The following ARL4A variants were observed in gnomAD, a reference collection of about 807,000 sequenced individuals.
The protein encoded by ARL4A is ARF like GTPase 4A, also known as ADP-ribosylation factor-like protein 4A.
In ARL4A, 5 loss-of-function variants were observed where a neutral mutation model predicts 13.9. The ratio of observed to expected loss-of-function variants is 0.36; its 90% confidence interval spans 0.19 to 0.75. The LOEUF (loss-of-function observed/expected upper bound fraction) is 0.75. ARL4A is among the 30% of genes least tolerant of loss of function. The pLI is 0.53. For missense variants in ARL4A, 147 were observed against 225.8 expected (o/e 0.65, Z 2.24); for synonymous variants, 77 against 84.4 (o/e 0.91, Z 0.48).
In ARL4A at chr7:12,688,107, C is replaced by A; in HGVS notation, c.-89-59C>A. On this transcript the variant is annotated intron_variant, in intron 1 of 1. Transcript: ENST00000651779. The surrounding 1 kb of genome is among the most constrained non-coding windows in gnomAD (Gnocchi z 5.2). The stretch of plus-strand genomic sequence containing the variant: ...TGTTGTTTATTTTAGCAAAGTAGAG[C>A]AAACCTGTTTTAATGTATTATTTCG... The A allele has an allele frequency of 8.1e-7, 1 of 1,238,832 alleles. No individual in the cohort carries two copies. Among genetic ancestry groups the A allele is most frequent in the Non-Finnish European group, 1.1e-6 (1 of 902,530 alleles). The allele number at this position is 1,238,832 out of a possible 1,614,324, so 76.7% of individuals were successfully genotyped here.
chr7:12,690,529 A>G lies in ARL4A; in HGVS notation c.*1672A>G, dbSNP rs943557705. 1 of 166,854 alleles carries G rather than the reference A, an allele frequency of 6.0e-6. No homozygotes were observed. Among genetic ancestry groups the G allele is most frequent in the African/African-American group, 2.4e-5 (1 of 41,438 alleles). The allele number at this position is 166,854 out of a possible 1,614,324, so 10.3% of individuals were successfully genotyped here. A position where few individuals can be genotyped will look rare whatever the true frequency, so the allele number is the denominator to read the frequency against. ...TTTTAATGTATTTCCACTTTTGCTGAAGCTTTTAATCAGATGTGTAAAAAC... is the reference window on the plus strand; with the variant it reads ...TTTTAATGTATTTCCACTTTTGCTGGAGCTTTTAATCAGATGTGTAAAAAC... On this transcript the variant is annotated 3_prime_UTR_variant, in exon 2 of 2. Transcript: ENST00000651779.
In ARL4A at chr7:12,688,864, A is replaced by C. The variant is rs112853446; in HGVS notation, c.*7A>C. 1 of 1,601,846 alleles carries C rather than the reference A, an allele frequency of 6.2e-7. No homozygotes were observed. Among genetic ancestry groups the C allele is most frequent in the South Asian group, 1.1e-5 (1 of 89,156 alleles). ...ACAGAAAAAGAAAAGATGAATATCA[A>C]TACCTATTATATCTGTGTGGAGTAG... is the stretch of plus-strand genomic sequence containing the variant. On this transcript the variant is annotated 3_prime_UTR_variant, in exon 2 of 2. Transcript: ENST00000651779. The surrounding 1 kb of genome is among the most constrained non-coding windows in gnomAD (Gnocchi z 5.2).
In ARL4A at chr7:12,688,013, G is replaced by A. The variant is rs1166468251; in HGVS notation, c.-89-153G>A. On this transcript the variant is annotated intron_variant, in intron 1 of 1. Transcript: ENST00000651779. The surrounding 1 kb of genome is among the most constrained non-coding windows in gnomAD (Gnocchi z 5.2). ...TATTCCATCGTTTGTCTTGGACTGT[G>A]TGTGTTTTCATGTACGTTTCATATC... 3.9e-5 allele frequency among the ~76,000 whole-genome samples: 6 copies of A among 152,220 alleles called. No individual in the cohort carries two copies. In the East Asian group the frequency reaches 1.2e-3, roughly 29 times the overall value.
chr7:12,688,439 C>A lies in ARL4A; in HGVS notation c.185C>A (p.Thr62Asn), dbSNP rs916852131. ...TTTAACACTGAGAAAATTAAGGTAA[C>A]CTTGGGAAATTCTAAAACAGTCACT... Reference protein sequence around the residue: ...KGFNTEKIKVTLGNSKTVTFH... With the variant: ...KGFNTEKIKVNLGNSKTVTFH... Residue 62 changes from threonine to asparagine, a missense_variant, in exon 2 of 2, where the codon ACC becomes AAC. Physicochemically the swap from Thr to Asn is moderately conservative, Grantham distance 65 (BLOSUM62 0). Transcript: ENST00000651779. This position sits in a 1 kb window ranked among gnomAD's most constrained non-coding sequence, Gnocchi z 5.2. The A allele has an allele frequency of 7.4e-6, 12 of 1,613,170 alleles. No individual in the cohort carries two copies. Among genetic ancestry groups the A allele is most frequent in the Non-Finnish European group, 9.3e-6 (11 of 1,179,858 alleles).
rs1784591541 is a variant in ARL4A, at chr7:12,689,970, G to T, written c.*1113G>T. 6.0e-6 allele frequency: 1 copy of T among 166,998 alleles called. No individual in the cohort carries two copies. The highest frequency in any genetic ancestry group is 2.1e-4 in the South Asian group (1 of 4,824). The allele number at this position is 166,998 out of a possible 1,614,324, so 10.3% of individuals were successfully genotyped here. On this transcript the variant is annotated 3_prime_UTR_variant, in exon 2 of 2. Transcript: ENST00000651779. ...AGCTTTAATTTTTTGTTTACAAATT[G>T]AACAGTGTTACATGGGCTGTCCAGT...
At position 12,690,884 on chromosome 7, in the gene ARL4A, G is replaced by C. The variant is rs1422629186; in HGVS notation, c.*2027G>C. ...TTATCTAAGTTTTTCATATTTCATG[G>C]ACAACAAAAGAGAAAATGGTATGAA... On this transcript the variant is annotated 3_prime_UTR_variant, in exon 2 of 2. Transcript: ENST00000651779. The C allele has an allele frequency of 1.2e-5, 2 of 166,578 alleles. No homozygotes were observed. The highest frequency in any genetic ancestry group is 4.8e-5 in the African/African-American group (2 of 41,420). The allele number at this position is 166,578 out of a possible 1,614,324, so 10.3% of individuals were successfully genotyped here. A position where few individuals can be genotyped will look rare whatever the true frequency, so the allele number is the denominator to read the frequency against.
In ARL4A at chr7:12,688,848, G is replaced by C. The variant is rs764083499; in HGVS notation, c.594G>C (p.Lys198Asn). 7 of 1,606,470 alleles carry C rather than the reference G, an allele frequency of 4.4e-6. No homozygotes were observed. The highest frequency in any genetic ancestry group is 4.5e-5 in the East Asian group (2 of 44,852). The change falls in exon 2 of 2, where the codon AAG becomes AAC. Residue 198 changes from lysine to asparagine, a missense_variant. Transcript: ENST00000651779. The surrounding 1 kb of genome is among the most constrained non-coding windows in gnomAD (Gnocchi z 5.2). ...KRRKMLRQQKKKR is the reference protein window; with the variant it reads ...KRRKMLRQQKNKR ...GAAAAATGTTGCGGCAACAGAAAAA[G>C]AAAAGATGAATATCAATACCTATTA...
In ARL4A at chr7:12,688,974, T is replaced by A. The variant is rs527319013; in HGVS notation, c.*117T>A. ...GCCCTCCTGGATGCTATTAAAGCTT[T>A]GTTTTGTTGAACAATCAGATGCCCA... On this transcript the variant is annotated 3_prime_UTR_variant, in exon 2 of 2. Coordinates refer to ENST00000651779, the MANE Select transcript of ARL4A (RefSeq NM_005738.5). This position sits in a 1 kb window ranked among gnomAD's most constrained non-coding sequence, Gnocchi z 5.2. 1 of 1,067,664 alleles carries A rather than the reference T, an allele frequency of 9.4e-7. No individual in the cohort carries two copies. Among genetic ancestry groups the A allele is most frequent in the East Asian group, 2.4e-5 (1 of 40,956 alleles). 66.1% of individuals were successfully genotyped at this position (1,067,664 alleles called of 1,614,324 possible).
chr7:12,690,186 A>G lies in ARL4A; in HGVS notation c.*1329A>G, dbSNP rs1012446342. On this transcript the variant is annotated 3_prime_UTR_variant, in exon 2 of 2. Coordinates refer to ENST00000651779, the MANE Select transcript of ARL4A (RefSeq NM_005738.5). ...ACAGACACTTACTTCCAGTGACCAT[A>G]TTTTACTAAATCAGCTTATTTTTTA... The G allele has an allele frequency of 3.0e-5, 5 of 166,992 alleles. No homozygotes were observed. Among genetic ancestry groups the G allele is most frequent in the African/African-American group, 1.2e-4 (5 of 41,428 alleles). 10.3% of individuals were successfully genotyped at this position (166,992 alleles called of 1,614,324 possible).
chr7:12,687,876 A>G lies in ARL4A; in HGVS notation c.-90+148A>G, dbSNP rs141896739. 9.3e-4 allele frequency: 167 copies of G among 179,736 alleles called. No individual in the cohort carries two copies. Among genetic ancestry groups the G allele is most frequent in the African/African-American group, 3.8e-3 (160 of 42,222 alleles). The allele number at this position is 179,736 out of a possible 1,614,324, so 11.1% of individuals were successfully genotyped here. On this transcript the variant is annotated intron_variant, in intron 1 of 1. Coordinates refer to ENST00000651779, the MANE Select transcript of ARL4A (RefSeq NM_005738.5). The surrounding 1 kb of genome is among the most constrained non-coding windows in gnomAD (Gnocchi z 5.6). The stretch of plus-strand genomic sequence containing the variant: ...CTTTGTGGTTACGGCCACTTAGACC[A>G]GATACTGGTGACTGGGTTCTTTCCA...
At position 12,690,015 on chromosome 7, in the gene ARL4A, A is replaced by C. The variant is rs1000324874; in HGVS notation, c.*1158A>C. On this transcript the variant is annotated 3_prime_UTR_variant, in exon 2 of 2. Transcript: ENST00000651779. ...TCCAGTCCTGATTATAGAGAGGAAG[A>C]AATGGTAACAGTATGGCAGATAAGA... 6 of 167,094 alleles carry C rather than the reference A, an allele frequency of 3.6e-5. No homozygotes were observed. Among genetic ancestry groups the C allele is most frequent in the Non-Finnish European group, 8.8e-5 (6 of 68,126 alleles). The allele number at this position is 167,094 out of a possible 1,614,324, so 10.4% of individuals were successfully genotyped here.
upstream of ARL4A, chr7:12,687,532 T>A (rs1374315201): frequency 6.5e-6 from 1 of 152,810 alleles, no homozygotes; most frequent in Non-Finnish European, 1.5e-5. The surrounding 1 kb of genome is among the most constrained non-coding windows in gnomAD (Gnocchi z 5.6). Context: ...TTGCATGGCT[T>A]CCCTGATGCG....
At position 12,688,882 on chromosome 7, in the gene ARL4A, T is replaced by A. The variant is rs771222832; in HGVS notation, c.*25T>A. 1 of 1,566,636 alleles carries A rather than the reference T, an allele frequency of 6.4e-7. No homozygotes were observed. Among genetic ancestry groups the A allele is most frequent in the Non-Finnish European group, 8.6e-7 (1 of 1,158,952 alleles). On this transcript the variant is annotated 3_prime_UTR_variant, in exon 2 of 2. Coordinates refer to ENST00000651779, the MANE Select transcript of ARL4A (RefSeq NM_005738.5). The surrounding 1 kb of genome is among the most constrained non-coding windows in gnomAD (Gnocchi z 5.2). ...AATATCAATACCTATTATATCTGTG[T>A]GGAGTAGGTTTTCTCTGGTCTGATT...
chr7:12,689,278 A>G lies in ARL4A; in HGVS notation c.*421A>G, dbSNP rs376044753. The G allele has an allele frequency of 1.1e-3, 198 of 181,246 alleles. 1 individual carries two copies. Among genetic ancestry groups the G allele is most frequent in the African/African-American group, 4.0e-3 (169 of 41,744 alleles). 11.2% of individuals were successfully genotyped at this position (181,246 alleles called of 1,614,324 possible). A position where few individuals can be genotyped will look rare whatever the true frequency, so the allele number is the denominator to read the frequency against. On this transcript the variant is annotated 3_prime_UTR_variant, in exon 2 of 2. Coordinates refer to ENST00000651779, the MANE Select transcript of ARL4A (RefSeq NM_005738.5). ...TCAAGTGCTAATCGATGGAAATGTT[A>G]AGGTAGATTAACATATATGCAGTTA...
chr7:12,688,492 G>C lies in ARL4A; in HGVS notation c.238G>C (p.Glu80Gln). 6.2e-7 allele frequency: 1 copy of C among 1,612,070 alleles called. No individual in the cohort carries two copies. Among genetic ancestry groups the C allele is most frequent in the Non-Finnish European group, 8.5e-7 (1 of 1,179,846 alleles). The change falls in exon 2 of 2, where the codon GAG becomes CAG. Residue 80 changes from glutamate to glutamine, a missense_variant. Transcript: ENST00000651779. The surrounding 1 kb of genome is among the most constrained non-coding windows in gnomAD (Gnocchi z 5.2). ...TFHFWDVGGQEKLRPLWKSYT... is the reference protein window; with the variant it reads ...TFHFWDVGGQQKLRPLWKSYT... ...TCACTTCTGGGATGTAGGTGGTCAGGAGAAATTAAGGCCACTGTGGAAGTC... is the reference window on the plus strand; with the variant it reads ...TCACTTCTGGGATGTAGGTGGTCAGCAGAAATTAAGGCCACTGTGGAAGTC...
Position 12,690,706 on chromosome 7 carries a change from A to C in ARL4A, c.*1849A>C, listed in dbSNP as rs1258876997. 2 of 164,044 alleles carry C rather than the reference A, an allele frequency of 1.2e-5. No individual in the cohort carries two copies. The highest frequency in any genetic ancestry group is 3.9e-4 in the East Asian group (2 of 5,164). The allele number at this position is 164,044 out of a possible 1,614,324, so 10.2% of individuals were successfully genotyped here. A position where few individuals can be genotyped will look rare whatever the true frequency, so the allele number is the denominator to read the frequency against. ...TGAGTAGATCCATGATGGATTAATA[A>C]AGCTTGCTGAAAAAAAAAATCTGTG... is the stretch of plus-strand genomic sequence containing the variant. On this transcript the variant is annotated 3_prime_UTR_variant, in exon 2 of 2. Transcript: ENST00000651779.
In ARL4A at chr7:12,690,046, A is replaced by C; in HGVS notation, c.*1189A>C. 6.0e-6 allele frequency: 1 copy of C among 167,188 alleles called. No individual in the cohort carries two copies. The allele number at this position is 167,188 out of a possible 1,614,324, so 10.4% of individuals were successfully genotyped here. A position where few individuals can be genotyped will look rare whatever the true frequency, so the allele number is the denominator to read the frequency against. Reference sequence around the variant, plus strand: ...TAACAGTATGGCAGATAAGAATTACAATTATAGAAAATGAGGGGAAAATAA... The same window carrying C: ...TAACAGTATGGCAGATAAGAATTACCATTATAGAAAATGAGGGGAAAATAA... On this transcript the variant is annotated 3_prime_UTR_variant, in exon 2 of 2. Transcript: ENST00000651779.
Position 12,688,051 on chromosome 7 carries a change from T to C in ARL4A, c.-89-115T>C, listed in dbSNP as rs1784553982. 1.6e-6 allele frequency: 1 copy of C among 642,370 alleles called. No individual in the cohort carries two copies. Among genetic ancestry groups the C allele is most frequent in the African/African-American group, 1.8e-5 (1 of 54,792 alleles). The allele number at this position is 642,370 out of a possible 1,614,324, so 39.8% of individuals were successfully genotyped here. On this transcript the variant is annotated intron_variant, in intron 1 of 1. Coordinates refer to ENST00000651779, the MANE Select transcript of ARL4A (RefSeq NM_005738.5). The surrounding 1 kb of genome is among the most constrained non-coding windows in gnomAD (Gnocchi z 5.2). ...TACGTTTCATATCTCGTCTGGTTTG[T>C]TTAGCGCAGCAAGTTATAGTAAGTT...
Position 12,688,702 on chromosome 7 carries a change from T to C in ARL4A, c.448T>C (p.Leu150=), listed in dbSNP as rs765165280. ...NSLSLSEIEK[L]LAMGELSSST... ...ATTGTCACTTTCAGAAATTGAGAAA[T>C]TGTTAGCAATGGGTGAACTGAGCTC... Residue 150 remains leucine (L), a synonymous_variant, in exon 2 of 2, where the codon TTG becomes CTG. Coordinates refer to ENST00000651779, the MANE Select transcript of ARL4A (RefSeq NM_005738.5). The surrounding 1 kb of genome is among the most constrained non-coding windows in gnomAD (Gnocchi z 5.2). The C allele has an allele frequency of 9.3e-6, 15 of 1,613,954 alleles. No individual in the cohort carries two copies. The highest frequency in any genetic ancestry group is 4.4e-5 in the South Asian group (4 of 91,074).
Sources: gnomAD v4.1 joint callset for allele counts (sites outside exome capture counted in the v4.1 genomes callset) on GRCh38, gnomAD v4.1.1 for gene constraint, Gnocchi (gnomAD v3.1) non-coding constraint, MANE v1.5 for transcripts, NCBI Gene and HGNC (gene_info 2026-07-23, HGNC 2026-07-21) for gene names.